SCARB2: variants seen among roughly 807,000 people sequenced by gnomAD.
The protein encoded by SCARB2 is lysosome membrane protein 2.
In SCARB2, 29 loss-of-function variants were observed where a neutral mutation model predicts 58.6. That is an observed-to-expected ratio of 0.49 (90% CI 0.37 to 0.67). SCARB2 has a LOEUF of 0.67. Ranked by LOEUF, SCARB2 falls within the 30% of genes least tolerant of loss-of-function variation. The pLI, the probability that SCARB2 is intolerant of heterozygous loss-of-function variation, is 0.00. For missense variants in SCARB2, 488 were observed against 578.5 expected (o/e 0.84, Z 1.60); for synonymous variants, 195 against 210.1 (o/e 0.93, Z 0.62).
At chr4:76,210,630 G>T (rs1401526681) in intron 1 of SCARB2, among the ~76,000 whole-genome samples, 1 of 152,214 alleles carries the variant, frequency 6.6e-6, no homozygotes, top group Non-Finnish European at 1.5e-5. Context: ...GTACTATTAT[G>T]CCTCTCTTGC....
At chr4:76,175,595 G>C (rs1027123596) in intron 6 of SCARB2, 196 bp downstream of exon 6, 2 of 669,844 alleles carry the variant, frequency 3.0e-6, no homozygotes, top group Middle Eastern at 8.4e-4. Flanking sequence ...GTAGAGCCAA[G>C]ATTCAAACCA....
In SCARB2 at chr4:76,213,811, C is replaced by G. The variant is rs1454164457; in HGVS notation, c.-268G>C. 5.7e-6 allele frequency: 2 copies of G among 353,030 alleles called. No individual in the cohort carries two copies. Among genetic ancestry groups the G allele is most frequent in the Middle Eastern group, 7.9e-4 (1 of 1,260 alleles). 21.9% of individuals were successfully genotyped at this position (353,030 alleles called of 1,614,324 possible). On this transcript the variant is annotated 5_prime_UTR_variant, in exon 1 of 12. Coordinates refer to ENST00000264896, the MANE Select transcript of SCARB2 (RefSeq NM_005506.4). ...GGGCAGCCGTGGCGCCCGCCTAGCG[C>G]AGCTCGGGAGAGTGCAGGGAGCGCG...
intron 5 of SCARB2, 64 bp downstream of exon 5, chr4:76,176,373 A>T: frequency 9.0e-7 from 1 of 1,105,378 alleles, no homozygotes; most frequent in South Asian, 1.3e-5. Context: ...AGCAATGTAG[A>T]AGTAGACATG....
chr4:76,171,016 C>T (rs1307887592), intron 7 of SCARB2, among the ~76,000 whole-genome samples: 1 of 149,938 alleles, frequency 6.7e-6, no homozygotes, highest in Non-Finnish European at 1.5e-5. Context: ...TATTCTAGAT[C>T]TGGCTATTGA....
At chr4:76,175,621 T>A (rs1273730609) in intron 6 of SCARB2, among the ~76,000 whole-genome samples, 170 bp downstream of exon 6, 10 of 152,228 alleles carry the variant, frequency 6.6e-5, no homozygotes. Context: ...CAGAAGTCTG[T>A]GCTGTGAACC....
chr4:76,215,526 G>A (rs969889332), upstream of SCARB2, among the ~76,000 whole-genome samples: 2 of 152,196 alleles, frequency 1.3e-5, no homozygotes, highest in Non-Finnish European at 2.9e-5. Flanking sequence ...TACTCCTTTC[G>A]TTGAGAGGTG....
At chr4:76,230,745 C>T (rs994521759) in intron 1 of SCARB2, among the ~76,000 whole-genome samples, 6 of 152,160 alleles carry the variant, frequency 3.9e-5, no homozygotes, top group Non-Finnish European at 8.8e-5. Flanking sequence ...AAATGACTTA[C>T]ACTCATGAAG....
chr4:76,201,205 G>C (rs1200695008), intron 1 of SCARB2, among the ~76,000 whole-genome samples: 1 of 152,124 alleles, frequency 6.6e-6, no homozygotes, highest in Admixed American at 6.5e-5. Context: ...TCTCTGCAGG[G>C]CCCTTATCAC....
intron 1 of SCARB2, among the ~76,000 whole-genome samples, chr4:76,228,856 C>G (rs2109984439): frequency 6.6e-6 from 1 of 152,180 alleles, no homozygotes; most frequent in South Asian, 2.1e-4. Context: ...GATGAATTTC[C>G]TGGGTGTTCT....
At chr4:76,213,086 T>C (rs1733093654) in intron 1 of SCARB2, 2 of 354,950 alleles carry the variant, frequency 5.6e-6, no homozygotes, top group Non-Finnish European at 1.1e-5. Context: ...CAGTTCTGTT[T>C]CTTCATGAAG....
intron 1 of SCARB2, among the ~76,000 whole-genome samples, chr4:76,199,190 A>G (rs2109963684): frequency 6.6e-6 from 1 of 152,322 alleles, no homozygotes; most frequent in East Asian, 1.9e-4. Context: ...CCAAGTCACA[A>G]AGCCAGTAAA....
chr4:76,213,092 T>C (rs1319754169), intron 1 of SCARB2: 6 of 359,494 alleles, frequency 1.7e-5, no homozygotes, highest in Non-Finnish European at 3.3e-5. Context: ...TGTTTCTTCA[T>C]GAAGTGGGAA....
chr4:76,173,729 C>T (rs1296549914), intron 7 of SCARB2: 1 of 256,498 alleles, frequency 3.9e-6, no homozygotes, highest in Non-Finnish European at 7.6e-6. Flanking sequence ...GACTGGCATA[C>T]ATCAGGTGCT....
chr4:76,227,240 A>G (rs951104556), intron 1 of SCARB2, among the ~76,000 whole-genome samples: 1 of 152,158 alleles, frequency 6.6e-6, no homozygotes, highest in Non-Finnish European at 1.5e-5. Flanking sequence ...TTATCGTTCA[A>G]AGAATTTTTT....
intron 2 of SCARB2, chr4:76,194,034 G>A (rs559661880): frequency 5.9e-5 from 9 of 152,356 alleles, no homozygotes; most frequent in African/African-American, 2.2e-4. Flanking sequence ...CCTCACAACA[G>A]TGGGTGACTT....
At chr4:76,219,131 A>G (rs541835469) in intron 1 of SCARB2, among the ~76,000 whole-genome samples, 1 of 152,294 alleles carries the variant, frequency 6.6e-6, no homozygotes, top group East Asian at 1.9e-4. Flanking sequence ...TAAGAGTAAA[A>G]GGAAAGCAGT....
chr4:76,228,126 G>A, intron 1 of SCARB2, among the ~76,000 whole-genome samples: 1 of 151,004 alleles, frequency 6.6e-6, no homozygotes, highest in East Asian at 1.9e-4. Context: ...TATAGGCCCT[G>A]CAAGATTTAT....
chr4:76,220,971 G>C (rs1286582834), intron 1 of SCARB2, among the ~76,000 whole-genome samples: 1 of 152,074 alleles, frequency 6.6e-6, no homozygotes, highest in African/African-American at 2.4e-5. Flanking sequence ...CTTCCTCCTG[G>C]TCCTCTTTAT....
At chr4:76,219,150 C>CA (rs1733265498) in intron 1 of SCARB2, among the ~76,000 whole-genome samples, 1 of 151,908 alleles carries the variant, frequency 6.6e-6, no homozygotes, top group South Asian at 2.1e-4. Context: ...GTGAAAATTG[C>CA]AAAAAATAAA....
Sources: gnomAD v4.1 joint callset for allele counts (sites outside exome capture counted in the v4.1 genomes callset) on GRCh38, gnomAD v4.1.1 for gene constraint, MANE v1.5 for transcripts, NCBI Gene and HGNC (gene_info 2026-07-23, HGNC 2026-07-21) for gene names.